Variants in EYS observed in about 807,000 individuals in gnomAD.
EYS encodes EGF-like photoreceptor maintenance factor.
Under a neutral mutation model 282.1 loss-of-function variants are expected in EYS, and 250 were observed. The ratio of observed to expected loss-of-function variants is 0.89; its 90% confidence interval spans 0.80 to 0.98. EYS has a LOEUF of 0.98. EYS is among the 50% of genes least tolerant of loss of function. The pLI is 0.00. For missense variants in EYS, 4,016 were observed against 3,709.0 expected (o/e 1.08, Z -2.15); for synonymous variants, 1,355 against 1,282.9 (o/e 1.06, Z -1.20).
intron 28 of EYS, among the ~76,000 whole-genome samples, chr6:64,435,961 T>C (rs2150463673): frequency 6.6e-6 from 1 of 152,066 alleles, no homozygotes; most frequent in Admixed American, 6.6e-5. Flanking sequence ...TAAATCTCCT[T>C]ATGTGAGTTC....
chr6:64,086,690 G>GT (rs1249103327), intron 31 of EYS, among the ~76,000 whole-genome samples: 1 of 152,098 alleles, frequency 6.6e-6, no homozygotes, highest in African/African-American at 2.4e-5. Context: ...TCTATGTATT[G>GT]TTTTTTATCC....
intron 40 of EYS, among the ~76,000 whole-genome samples, chr6:63,769,640 T>C (rs920330665): frequency 2.6e-5 from 4 of 152,124 alleles, no homozygotes; most frequent in Non-Finnish European, 4.4e-5. Context: ...AAGAGATGAA[T>C]ATTAGAGTAT....
At chr6:64,738,686 C>A (rs191424012) in intron 22 of EYS, among the ~76,000 whole-genome samples, 3 of 152,090 alleles carry the variant, frequency 2.0e-5, no homozygotes, top group Non-Finnish European at 4.4e-5. Context: ...TTTAAAACAA[C>A]AATAGTGGCA....
At chr6:64,962,769 A>C (rs1484221610) in intron 14 of EYS, among the ~76,000 whole-genome samples, 2 of 152,016 alleles carry the variant, frequency 1.3e-5, no homozygotes, top group Non-Finnish European at 2.9e-5. Context: ...CCCTCAAAAA[A>C]AGAGAGAGAG....
At chr6:63,978,721 T>G (rs553002430) in intron 35 of EYS, among the ~76,000 whole-genome samples, 6 of 152,032 alleles carry the variant, frequency 3.9e-5, no homozygotes, top group African/African-American at 1.4e-4. Flanking sequence ...ATGGAAAAGC[T>G]AAGACCTGAT....
chr6:65,502,012 G>C (rs956675159), intron 2 of EYS, among the ~76,000 whole-genome samples: 7 of 151,440 alleles, frequency 4.6e-5, no homozygotes, highest in African/African-American at 1.5e-4. Context: ...TGGTCTTATA[G>C]ATTATTGATT....
chr6:65,329,585 G>A (rs1301059009), intron 11 of EYS: 5 of 981,478 alleles, frequency 5.1e-6, no homozygotes, highest in African/African-American at 3.5e-5. Context: ...TTGCTTTAAA[G>A]GTAAAAATAT....
Position 65,145,815 on chromosome 6 carries a change from T to C in EYS, c.2024-88088A>G, listed in dbSNP as rs111699258. ...GGAAAAAAGACCTCTGATTTTATAA[T>C]GCATTTCAGAAGAATATTAGTGATT... On this transcript the variant is annotated intron_variant, in intron 12 of 42. Coordinates refer to ENST00000503581, the MANE Select transcript of EYS (RefSeq NM_001142800.2). Among the ~76,000 whole-genome samples the C allele has an allele frequency of 1.2e-3, 189 of 152,122 alleles. 1 individual carries two copies. The highest frequency in any genetic ancestry group is 0.01 in the Middle Eastern group (3 of 294).
chr6:65,054,977 CTGT>C (rs1039013589), intron 13 of EYS, among the ~76,000 whole-genome samples: 5 of 128,028 alleles, frequency 3.9e-5, no homozygotes, highest in Non-Finnish European at 3.2e-5. Flanking sequence ...TCTTTTGTTA[CTGT>C]TTTTTATTTG....
At chr6:64,858,703 A>G (rs1766145390) in intron 19 of EYS, among the ~76,000 whole-genome samples, 1 of 152,134 alleles carries the variant, frequency 6.6e-6, no homozygotes, top group South Asian at 2.1e-4. Flanking sequence ...AATGCAGGAT[A>G]CCAATTAAAT....
At chr6:64,680,081 TG>T (rs1277570855) in intron 22 of EYS, among the ~76,000 whole-genome samples, 2 of 151,802 alleles carry the variant, frequency 1.3e-5, no homozygotes, top group African/African-American at 4.8e-5. Flanking sequence ...ACCTAGATGA[TG>T]GAAAAAAAAA....
At chr6:65,168,128 C>T (rs746438961) in intron 12 of EYS, among the ~76,000 whole-genome samples, 2 of 151,128 alleles carry the variant, frequency 1.3e-5, no homozygotes, top group African/African-American at 2.4e-5. Context: ...ATGGTTATTT[C>T]TCAATCTGTT....
At position 64,961,995 on chromosome 6, in the gene EYS, GAA is replaced by G. The variant is rs1437288161; in HGVS notation, c.2260-16083_2260-16082del. 2.2e-4 allele frequency among the ~76,000 whole-genome samples: 34 copies of G among 152,184 alleles called. 1 individual carries two copies. The East Asian group carries it at 6.6e-3, about 29-fold the overall frequency. ...AGAGTTTTCATTCTTCAACTCTAGT[GAA>G]GTCACCAAAAACATAATCATAACTT... On this transcript the variant is annotated intron_variant, in intron 14 of 42. Transcript: ENST00000503581.
intron 26 of EYS, among the ~76,000 whole-genome samples, chr6:64,575,168 C>G (rs1327834704): frequency 6.6e-6 from 1 of 152,116 alleles, no homozygotes; most frequent in Non-Finnish European, 1.5e-5. Flanking sequence ...TTCTTATCAT[C>G]TGATGTTTCC....
intron 2 of EYS, among the ~76,000 whole-genome samples, chr6:65,526,779 C>T (rs900116036): frequency 6.6e-6 from 1 of 151,872 alleles, no homozygotes; most frequent in Non-Finnish European, 1.5e-5. Context: ...GCACTCCAGC[C>T]TGGGCGACAG....
chr6:63,904,982 T>C (rs1386488131), intron 35 of EYS, among the ~76,000 whole-genome samples: 1 of 152,232 alleles, frequency 6.6e-6, no homozygotes, highest in Non-Finnish European at 1.5e-5. Context: ...TGTGCAACTG[T>C]CACCACTATC....
intron 12 of EYS, among the ~76,000 whole-genome samples, chr6:65,172,886 G>A (rs1295590000): frequency 6.6e-6 from 1 of 150,794 alleles, no homozygotes; most frequent in African/African-American, 2.4e-5. Context: ...TGCTTGACAT[G>A]TATTATCAGA....
At chr6:65,037,173 G>A (rs1772795981) in intron 13 of EYS, among the ~76,000 whole-genome samples, 1 of 151,836 alleles carries the variant, frequency 6.6e-6, no homozygotes, top group Admixed American at 6.6e-5. Flanking sequence ...TATGGAAGGA[G>A]CTGGAGGCCA....
chr6:65,527,399 CA>C (rs1264061225), intron 2 of EYS, among the ~76,000 whole-genome samples: 1 of 152,168 alleles, frequency 6.6e-6, no homozygotes, highest in Non-Finnish European at 1.5e-5. Flanking sequence ...TATAGGCCCA[CA>C]CAGGACAGCC....
Sources: allele counts gnomAD v4.1 joint callset (sites outside exome capture counted in the v4.1 genomes callset), GRCh38; gene constraint gnomAD v4.1.1; transcripts MANE v1.5; gene names NCBI Gene and HGNC (gene_info 2026-07-23, HGNC 2026-07-21).